Variants in TJP2 observed in about 807,000 individuals in gnomAD.
TJP2 encodes tight junction protein 2.
In TJP2, 91 loss-of-function variants were observed where a neutral mutation model predicts 133.1. The observed-to-expected ratio is 0.68, with a 90% CI of 0.58 to 0.81. The LOEUF (loss-of-function observed/expected upper bound fraction) is 0.81. Among genes scored for constraint, TJP2 ranks in the 40% least tolerant of loss-of-function variants. TJP2 has a pLI of 0.00. For synonymous variants in TJP2, 592 were observed against 583.4 expected, an observed-to-expected ratio of 1.01 and a Z score of -0.21; for missense variants, 1,541 against 1,565.6, an observed-to-expected ratio of 0.98 and a Z score of 0.26.
At position 69,254,194 on chromosome 9, in the gene TJP2, C is replaced by G; in HGVS notation, c.3408-15C>G. 1 of 1,614,184 alleles carries G rather than the reference C, an allele frequency of 6.2e-7. No homozygotes were observed. The highest frequency in any genetic ancestry group is 8.5e-7 in the Non-Finnish European group (1 of 1,180,014). ...GATGTGCTCTGGAATGTCTTTAACA[C>G]CCTTTTTTTGTTAGTTCCAGACCCC... On this transcript the variant is annotated splice_polypyrimidine_tract_variant and intron_variant, in intron 22 of 22. Coordinates refer to ENST00000377245, the MANE Select transcript of TJP2 (RefSeq NM_004817.4).
At chr9:69,156,574 C>T (rs1823776005) in intron 2 of TJP2, among the ~76,000 whole-genome samples, 1 of 134,058 alleles carries the variant, frequency 7.5e-6, no homozygotes, top group African/African-American at 2.9e-5. Context: ...TTCTGTCGCC[C>T]AGGCGGGAGT....
intron 5 of TJP2, among the ~76,000 whole-genome samples, chr9:69,223,549 C>T (rs12004488): frequency 0.088 from 13,410 of 152,210 alleles, 696 homozygotes; most frequent in African/African-American, 0.14. Context: ...CCTCATGATC[C>T]GCCCACCTCA....
chr9:69,219,271 A>G (rs989603336), intron 4 of TJP2, among the ~76,000 whole-genome samples: 1 of 152,036 alleles, frequency 6.6e-6, no homozygotes, highest in South Asian at 2.1e-4. Context: ...ACCCGGCCAC[A>G]TATATGGTAT....
intron 1 of TJP2, among the ~76,000 whole-genome samples, chr9:69,198,846 C>T (rs991225855): frequency 1.3e-5 from 2 of 152,190 alleles, no homozygotes; most frequent in African/African-American, 2.4e-5. Flanking sequence ...TTGTTGGATG[C>T]GGTGGCAACT....
intron 1 of TJP2, among the ~76,000 whole-genome samples, chr9:69,184,342 G>C (rs1825706362): frequency 6.6e-6 from 1 of 152,232 alleles, no homozygotes; most frequent in Non-Finnish European, 1.5e-5. Context: ...CTGCCACCCA[G>C]AGAAGACTCA....
At chr9:69,156,522 GATTT>G (rs981364735) in intron 2 of TJP2, among the ~76,000 whole-genome samples, 14 of 119,540 alleles carry the variant, frequency 1.2e-4, no homozygotes, top group Admixed American at 6.0e-4. Flanking sequence ...ATACATGTAA[GATTT>G]TTTTTTTTTT....
At chr9:69,121,392 C>A, upstream of TJP2, 2 of 974,590 alleles carry the variant, frequency 2.1e-6, no homozygotes, top group Non-Finnish European at 2.4e-6. Context: ...ACCCCCTTCC[C>A]CTCCCCGCCG....
intron 1 of TJP2, among the ~76,000 whole-genome samples, chr9:69,202,774 AAGGGGAGGC>A (rs780708494): frequency 3.9e-5 from 6 of 152,014 alleles, no homozygotes; most frequent in Non-Finnish European, 7.4e-5. Context: ...GGAGGAGGTG[AAGGGGAGGC>A]AGGGGAGGCA....
Position 69,254,933 on chromosome 9 carries a change from G to A in TJP2, c.*559G>A. ...AAGTTTTTATACCAGCTTAATAGCT[G>A]TAGTTTTCCCTGCACTGTGTCATCT... On this transcript the variant is annotated 3_prime_UTR_variant, in exon 23 of 23. Transcript: ENST00000377245. 1 of 314,488 alleles carries A rather than the reference G, an allele frequency of 3.2e-6. No homozygotes were observed. The highest frequency in any genetic ancestry group is 5.8e-6 in the Non-Finnish European group (1 of 171,660). 19.5% of individuals were successfully genotyped at this position (314,488 alleles called of 1,614,324 possible). A position where few individuals can be genotyped will look rare whatever the true frequency, so the allele number is the denominator to read the frequency against.
At chr9:69,135,006 C>T (rs1237010569) in intron 1 of TJP2, among the ~76,000 whole-genome samples, 1 of 151,644 alleles carries the variant, frequency 6.6e-6, no homozygotes, top group Non-Finnish European at 1.5e-5. Context: ...ATCTGTTTCT[C>T]TCATTCTCTC....
chr9:69,187,588 CTG>C (rs1467746800), intron 1 of TJP2, among the ~76,000 whole-genome samples: 1 of 152,216 alleles, frequency 6.6e-6, no homozygotes, highest in Non-Finnish European at 1.5e-5. Context: ...AAACAGTGAA[CTG>C]TAAAAAATGT....
intron 1 of TJP2, among the ~76,000 whole-genome samples, chr9:69,200,157 C>A (rs1274141501): frequency 1.3e-5 from 2 of 152,216 alleles, no homozygotes; most frequent in Non-Finnish European, 2.9e-5. Context: ...TGCCCGGCCG[C>A]ACTGAGTACT....
rs1824886703 is a variant in TJP2 at position 69,174,311 on chromosome 9, A to G, written c.-62A>G. 6.5e-7 allele frequency: 1 copy of G among 1,549,850 alleles called. No individual in the cohort carries two copies. The highest frequency in any genetic ancestry group is 1.4e-5 in the African/African-American group (1 of 73,088). ...TCCGGTGGTGCCCAGGAGGAGTAGG[A>G]GCAGGAGCAGAAGCAGAAGCGGGGT... On this transcript the variant is annotated 5_prime_UTR_variant, in exon 1 of 23. Coordinates refer to ENST00000377245, the MANE Select transcript of TJP2 (RefSeq NM_004817.4).
rs886042381 is a variant in TJP2 at position 69,234,464 on chromosome 9, T to A, written c.1697T>A (p.Leu566Ter). The change falls in exon 12 of 23, where the codon TTA (leucine) becomes TAA (stop). Residue 566 changes from leucine to a stop codon, truncating the protein, a stop_gained. Coordinates refer to ENST00000377245, the MANE Select transcript of TJP2 (RefSeq NM_004817.4). LOFTEE classifies it high-confidence loss of function. The stretch of plus-strand genomic sequence containing the variant: ...GTGAACACACAGGATTTCAGAGGAT[T>A]AGTGCGGGAGGATGCCGTTCTCTAC... ...LKVNTQDFRG[L>*]VREDAVLYLL... 1 of 1,610,306 alleles carries A rather than the reference T, an allele frequency of 6.2e-7. No individual in the cohort carries two copies. The highest frequency in any genetic ancestry group is 1.3e-5 in the African/African-American group (1 of 74,198).
At chr9:69,202,593 A>G (rs1564431823) in intron 1 of TJP2, among the ~76,000 whole-genome samples, 1 of 152,236 alleles carries the variant, frequency 6.6e-6, no homozygotes, top group African/African-American at 2.4e-5. Context: ...TATGTATTAT[A>G]TACTGTTTTG....
intron 1 of TJP2, among the ~76,000 whole-genome samples, chr9:69,198,432 A>G (rs1826752997): frequency 6.6e-6 from 1 of 152,176 alleles, no homozygotes; most frequent in African/African-American, 2.4e-5. Flanking sequence ...GTGAGCCACC[A>G]TGCCCGGCCA....
intron 5 of TJP2, among the ~76,000 whole-genome samples, chr9:69,224,404 G>A (rs1374826517): frequency 2.0e-5 from 3 of 152,066 alleles, no homozygotes; most frequent in South Asian, 2.1e-4. Context: ...TTGGCCAGGC[G>A]CAGTGGCTCA....
intron 2 of TJP2, among the ~76,000 whole-genome samples, chr9:69,213,378 C>T (rs1054767076): frequency 6.6e-6 from 1 of 152,050 alleles, no homozygotes; most frequent in Non-Finnish European, 1.5e-5. Context: ...CATTTTTATT[C>T]CGTCAAGCTG....
intron 21 of TJP2, among the ~76,000 whole-genome samples, chr9:69,252,459 C>T (rs1267450104): frequency 6.6e-6 from 1 of 152,170 alleles, no homozygotes; most frequent in Non-Finnish European, 1.5e-5. Flanking sequence ...CCCTGGCACC[C>T]ACTCCTTTAC....
Sources: gnomAD v4.1 joint callset for allele counts (sites outside exome capture counted in the v4.1 genomes callset) on GRCh38, gnomAD v4.1.1 for gene constraint, MANE v1.5 for transcripts, NCBI Gene and HGNC (gene_info 2026-07-23, HGNC 2026-07-21) for gene names.